Variants in EVL observed in about 807,000 individuals in gnomAD.
EVL encodes the protein ena/VASP-like protein.
In EVL, 21 loss-of-function variants were observed where a neutral mutation model predicts 59.6. That is an observed-to-expected ratio of 0.35 (90% CI 0.25 to 0.51). The LOEUF is 0.51. Among genes scored for constraint, EVL ranks in the 20% least tolerant of loss-of-function variants. The pLI, the probability that EVL is intolerant of heterozygous loss-of-function variation, is 0.97. For missense variants in EVL, 462 were observed against 546.6 expected (o/e 0.85, Z 1.54); for synonymous variants, 198 against 203.5 (o/e 0.97, Z 0.23).
intron 1 of EVL, among the ~76,000 whole-genome samples, chr14:100,030,600 A>G (rs931242543): frequency 5.3e-5 from 8 of 152,214 alleles, no homozygotes; most frequent in Non-Finnish European, 1.2e-4. Context: ...GCCAGAAATC[A>G]GTCCTTGGAA....
intron 1 of EVL, among the ~76,000 whole-genome samples, chr14:100,042,187 T>C (rs1462809159): frequency 6.6e-6 from 1 of 152,236 alleles, no homozygotes; most frequent in Non-Finnish European, 1.5e-5. Context: ...AAATTTGGGC[T>C]GTATTTTACC....
At chr14:100,140,365 C>A (rs1206019870) in intron 11 of EVL, 2 of 152,282 alleles carry the variant, frequency 1.3e-5, no homozygotes, top group Admixed American at 1.3e-4. Flanking sequence ...AATCCCAGCA[C>A]TCTGGGAGGC....
At chr14:99,974,607 A>G (rs1486961069) in intron 1 of EVL, 1 of 152,452 alleles carries the variant, frequency 6.6e-6, no homozygotes, top group Non-Finnish European at 1.5e-5. Flanking sequence ...CTCTGTGTGT[A>G]GAGATGAGGT....
intron 1 of EVL, among the ~76,000 whole-genome samples, chr14:100,024,281 G>T (rs2061174767): frequency 6.6e-6 from 1 of 152,174 alleles, no homozygotes; most frequent in African/African-American, 2.4e-5. Flanking sequence ...ATTGAAACAA[G>T]TCAAAATGAG....
intron 1 of EVL, among the ~76,000 whole-genome samples, chr14:100,034,121 A>C (rs1207135291): frequency 2.0e-5 from 3 of 151,778 alleles, no homozygotes; most frequent in Non-Finnish European, 4.4e-5. Context: ...CTATAATCCC[A>C]GCTACTCAGG....
At chr14:100,133,963 A>G (rs1419692245) in intron 8 of EVL, among the ~76,000 whole-genome samples, 10 of 152,050 alleles carry the variant, frequency 6.6e-5, no homozygotes, top group African/African-American at 2.4e-4. Flanking sequence ...AACAACAACA[A>G]AAAAACAGCC....
intron 1 of EVL, among the ~76,000 whole-genome samples, chr14:100,015,411 T>C (rs1227753887): frequency 1.3e-5 from 2 of 152,226 alleles, no homozygotes; most frequent in Non-Finnish European, 2.9e-5. Context: ...GTCTCCATGT[T>C]TGTTTCTCCG....
chr14:100,038,396 A>G (rs1290083639), intron 1 of EVL, among the ~76,000 whole-genome samples: 2 of 152,148 alleles, frequency 1.3e-5, no homozygotes, highest in Non-Finnish European at 2.9e-5. Context: ...CTGACTTGCC[A>G]TATCAAAGAG....
At chr14:100,084,542 G>A (rs2062394050) in intron 1 of EVL, 145 bp from the exon 2 acceptor site, 1 of 789,404 alleles carries the variant, frequency 1.3e-6, no homozygotes, top group African/African-American at 1.7e-5. Flanking sequence ...ACCTCACCAG[G>A]CAGTTCTTCC....
chr14:100,078,088 G>A (rs1183407751), intron 1 of EVL, among the ~76,000 whole-genome samples: 3 of 152,162 alleles, frequency 2.0e-5, no homozygotes, highest in African/African-American at 7.2e-5. Flanking sequence ...ATACAATTTT[G>A]AGGATCATGA....
intron 1 of EVL, among the ~76,000 whole-genome samples, chr14:100,072,174 T>C (rs2062061541): frequency 6.6e-6 from 1 of 152,216 alleles, no homozygotes; most frequent in African/African-American, 2.4e-5. Context: ...ATGTAATCCA[T>C]GAGCAGATCC....
In EVL at chr14:100,039,730, A is replaced by G. The variant is rs1161147190; in HGVS notation, c.6-44957A>G. ...TAGCCTGGAATTGGTCTATATCTTC[A>G]CCCACTCTGTTCTCTCTGGCTTGTG... On this transcript the variant is annotated intron_variant, in intron 1 of 13. Transcript: ENST00000402714. 2.0e-5 allele frequency among the ~76,000 whole-genome samples: 3 copies of G among 151,964 alleles called. No individual in the cohort carries two copies. In the South Asian group the frequency reaches 6.3e-4, roughly 32 times the overall value.
intron 1 of EVL, among the ~76,000 whole-genome samples, chr14:100,084,430 C>A (rs74084483): frequency 0.04 from 6,148 of 152,254 alleles, 362 homozygotes; most frequent in African/African-American, 0.12. Flanking sequence ...CAAGCAACTT[C>A]TCCCCTGAAA....
chr14:100,049,264 A>T (rs1470785620), intron 1 of EVL, among the ~76,000 whole-genome samples: 1 of 152,224 alleles, frequency 6.6e-6, no homozygotes, highest in Non-Finnish European at 1.5e-5. Context: ...GTTTGGAAAC[A>T]TATAGCTTGG....
intron 1 of EVL, among the ~76,000 whole-genome samples, chr14:100,048,730 G>A (rs1025001746): frequency 2.0e-5 from 3 of 151,974 alleles, no homozygotes; most frequent in African/African-American, 7.3e-5. Context: ...CCATACAACA[G>A]AACACTACTC....
At chr14:100,053,305 C>T (rs2140250427) in intron 1 of EVL, among the ~76,000 whole-genome samples, 1 of 152,190 alleles carries the variant, frequency 6.6e-6, no homozygotes, top group Non-Finnish European at 1.5e-5. Context: ...ATTTCGCCTT[C>T]TAATGGATAT....
intron 4 of EVL, among the ~76,000 whole-genome samples, chr14:100,125,927 A>G (rs1472635985): frequency 1.3e-5 from 2 of 152,184 alleles, no homozygotes; most frequent in Non-Finnish European, 2.9e-5. Context: ...CACTCCCACC[A>G]AGCCCAGAGC....
At position 100,135,930 on chromosome 14, in the gene EVL, C is replaced by A. The variant is rs151058458; in HGVS notation, c.926C>A (p.Pro309Gln). 6.2e-7 allele frequency: 1 copy of A among 1,613,890 alleles called. No homozygotes were observed. Residue 309 changes from proline (P) to glutamine (Q), a missense_variant, in exon 9 of 14, where the codon CCG becomes CAG. Physicochemically the swap from Pro to Gln is moderately conservative, Grantham distance 76 (BLOSUM62 -1). Transcript: ENST00000392920. ...GAAGATCCTAGTACCTCCCCCTCTC[C>A]GGGGACCCGAGCAGCCAGCCAGCCA... Reference protein sequence around the residue: ...QMEDPSTSPSPGTRAASQPPN... With the variant: ...QMEDPSTSPSQGTRAASQPPN...
intron 7 of EVL, among the ~76,000 whole-genome samples, chr14:100,131,838 T>C (rs1292681992): frequency 6.6e-6 from 1 of 152,162 alleles, no homozygotes; most frequent in Non-Finnish European, 1.5e-5. Context: ...GATTCCCTGG[T>C]TTCTGGGCTG....
Sources: allele counts gnomAD v4.1 joint callset (sites outside exome capture counted in the v4.1 genomes callset), GRCh38; gene constraint gnomAD v4.1.1; transcripts MANE v1.5; gene names NCBI Gene and HGNC (gene_info 2026-07-23, HGNC 2026-07-21).